The following UAP1 variants were observed in gnomAD, a reference collection of about 807,000 sequenced individuals.
UAP1 encodes the protein UDP-N-acetylhexosamine pyrophosphorylase.
A neutral mutation model predicts 58.5 loss-of-function variants in UAP1; 25 were observed. The observed-to-expected ratio is 0.43, with a 90% CI of 0.31 to 0.60. The LOEUF (loss-of-function observed/expected upper bound fraction) is 0.60. UAP1 is among the 20% of genes least tolerant of loss of function. UAP1 has a pLI of 0.11. For synonymous variants in UAP1, 208 were observed against 213.0 expected, an observed-to-expected ratio of 0.98 and a Z score of 0.21; for missense variants, 575 against 630.0, an observed-to-expected ratio of 0.91 and a Z score of 0.93.
At chr1:162,564,193 A>G (rs1653353166) in intron 1 of UAP1, among the ~76,000 whole-genome samples, 1 of 152,224 alleles carries the variant, frequency 6.6e-6, no homozygotes, top group Admixed American at 6.5e-5. Flanking sequence ...GAACATTGAA[A>G]GCTGAGTGTT....
At chr1:162,584,778 T>A (rs1355012592) in intron 5 of UAP1, among the ~76,000 whole-genome samples, 1 of 152,110 alleles carries the variant, frequency 6.6e-6, no homozygotes, top group Non-Finnish European at 1.5e-5. Context: ...CCACTATGCC[T>A]GGCCTGCAGT....
chr1:162,591,119 C>T (rs1241822835), intron 8 of UAP1, among the ~76,000 whole-genome samples: 1 of 151,958 alleles, frequency 6.6e-6, no homozygotes, highest in African/African-American at 2.4e-5. Context: ...TAGAGATGGG[C>T]TTTCACTATG....
chr1:162,575,900 C>G (rs900219844), intron 2 of UAP1, among the ~76,000 whole-genome samples: 3 of 152,138 alleles, frequency 2.0e-5, no homozygotes, highest in African/African-American at 7.2e-5. Flanking sequence ...CCAGACTGCT[C>G]TCAAACTCCT....
At chr1:162,590,510 C>T (rs535656651) in exon 8 of UAP1, 36 of 1,597,918 alleles carry the variant, frequency 2.3e-5, no homozygotes, top group Non-Finnish European at 2.6e-5. Flanking sequence ...AGCAATTCCC[C>T]GGTAAGTCAG....
chr1:162,565,916 A>G lies in UAP1; in HGVS notation c.-57-96A>G. The G allele has an allele frequency of 3.9e-6, 3 of 761,518 alleles. No homozygotes were observed. The South Asian group carries it at 5.8e-5, about 15-fold the overall frequency. The allele number at this position is 761,518 out of a possible 1,614,324, so 47.2% of individuals were successfully genotyped here. On this transcript the variant is annotated intron_variant, in intron 1 of 10. Coordinates refer to ENST00000271469, the Ensembl canonical transcript of UAP1. ...GGAAAAGCAGAAGTTAATTTTTTTA[A>G]CATCGTTTTGAAATATTCTTATTTT...
intron 2 of UAP1, among the ~76,000 whole-genome samples, chr1:162,567,803 T>C (rs1653606422): frequency 6.6e-6 from 1 of 152,208 alleles, no homozygotes; most frequent in South Asian, 2.1e-4. Flanking sequence ...TTTTGTTTCT[T>C]TGTGGTTTTT....
intron 9 of UAP1, among the ~76,000 whole-genome samples, chr1:162,595,089 T>C (rs1655540809): frequency 6.6e-6 from 1 of 152,252 alleles, no homozygotes; most frequent in South Asian, 2.1e-4. Flanking sequence ...TAGTGTTAGC[T>C]ACCAAAAGGA....
At chr1:162,571,123 T>C (rs1571058741) in intron 2 of UAP1, among the ~76,000 whole-genome samples, 1 of 151,748 alleles carries the variant, frequency 6.6e-6, no homozygotes, top group Non-Finnish European at 1.5e-5. Flanking sequence ...ACTTCTGATT[T>C]TTTTGTTTGT....
At chr1:162,582,409 A>G (rs1456906657) in intron 5 of UAP1, among the ~76,000 whole-genome samples, 1 of 152,238 alleles carries the variant, frequency 6.6e-6, no homozygotes, top group Non-Finnish European at 1.5e-5. Context: ...CTGGAACCAG[A>G]ATAGAATGAC....
At chr1:162,577,434 C>CT (rs1557970274) in intron 3 of UAP1, among the ~76,000 whole-genome samples, 7 of 138,226 alleles carry the variant, frequency 5.1e-5, no homozygotes, top group African/African-American at 1.7e-4. Context: ...TAGTTCCTTC[C>CT]CTTTTTTTTT....
rs1451055061 is a variant in UAP1 at position 162,592,716 on chromosome 1, A to G, written c.1359-16A>G. On this transcript the variant is annotated splice_polypyrimidine_tract_variant and intron_variant, in intron 8 of 10. Coordinates refer to ENST00000271469, the Ensembl canonical transcript of UAP1. ...TTTGCTTCCATTCCCATTAATCCTT[A>G]TTTATTCCCACATAGCAGTGCTACA... 9.7e-6 allele frequency: 15 copies of G among 1,541,464 alleles called. No individual in the cohort carries two copies. The East Asian group carries it at 3.7e-4, about 38-fold the overall frequency.
chr1:162,575,774 C>T (rs1654143140), intron 2 of UAP1, among the ~76,000 whole-genome samples: 1 of 151,518 alleles, frequency 6.6e-6, no homozygotes. Context: ...GATCTCGGCT[C>T]ACTGCAACCT....
At chr1:162,567,930 G>A (rs947185786) in intron 2 of UAP1, among the ~76,000 whole-genome samples, 3 of 151,990 alleles carry the variant, frequency 2.0e-5, no homozygotes, top group African/African-American at 7.3e-5. Context: ...CGAGTAGCTG[G>A]GATTACAGGT....
intron 7 of UAP1, among the ~76,000 whole-genome samples, chr1:162,589,196 ATATT>A (rs1220833994): frequency 1.6e-5 from 1 of 62,668 alleles, no homozygotes; most frequent in Admixed American, 3.2e-4. Flanking sequence ...TATATATTAT[ATATT>A]ATATTTAAAT....
chr1:162,569,815 A>T (rs192437261), intron 2 of UAP1, among the ~76,000 whole-genome samples: 19 of 152,316 alleles, frequency 1.2e-4, no homozygotes, highest in African/African-American at 4.6e-4. Context: ...ACATTTTTTG[A>T]AATCTAGGGT....
At chr1:162,563,816 C>CT (rs1192580564) in intron 1 of UAP1, among the ~76,000 whole-genome samples, 1 of 152,178 alleles carries the variant, frequency 6.6e-6, no homozygotes, top group Non-Finnish European at 1.5e-5. Context: ...ACTCTTTACT[C>CT]TTGACTATCT....
exon 2 of UAP1, chr1:162,566,236 T>C (rs751828168): frequency 6.2e-7 from 1 of 1,614,196 alleles, no homozygotes; most frequent in Non-Finnish European, 8.5e-7. Flanking sequence ...TTGAAGGTTT[T>C]AACCAGTCTT....
At chr1:162,594,008 G>T (rs1238338500) in intron 9 of UAP1, among the ~76,000 whole-genome samples, 1 of 152,166 alleles carries the variant, frequency 6.6e-6, no homozygotes, top group Non-Finnish European at 1.5e-5. Context: ...TAGATCAGCG[G>T]TCTCCAACCT....
rs79530477 is a variant in UAP1 at position 162,571,681 on chromosome 1, A to C, written c.281-5096A>C. On this transcript the variant is annotated intron_variant, in intron 2 of 10. Coordinates refer to ENST00000271469, the Ensembl canonical transcript of UAP1. ...GTGCTGTGCTGCCCATATAAAATTT[A>C]TGTTATGACAAAAGCAGTCCCAAAA... Among the ~76,000 whole-genome samples, 305 of 152,338 alleles carry C rather than the reference A, an allele frequency of 2.0e-3. 5 individuals carry two copies. The East Asian group carries it at 0.049, about 25-fold the overall frequency.
Sources: allele counts gnomAD v4.1 joint callset (sites outside exome capture counted in the v4.1 genomes callset), GRCh38; gene constraint gnomAD v4.1.1; transcripts MANE v1.5; gene names NCBI Gene and HGNC (gene_info 2026-07-23, HGNC 2026-07-21).